Variants in PAPOLB observed in about 807,000 individuals in gnomAD.
PAPOLB encodes the protein PAP-beta.
PAPOLB carries 19 observed loss-of-function variants against 23.2 expected under a neutral mutation model. That is an observed-to-expected ratio of 0.82 (90% CI 0.57 to 1.20). PAPOLB has a LOEUF of 1.20. Among genes scored for constraint, PAPOLB ranks in the 50% most tolerant of loss-of-function variants. The pLI, the probability that PAPOLB is intolerant of heterozygous loss-of-function variation, is 0.00. For synonymous variants in PAPOLB, 360 were observed against 290.7 expected, an observed-to-expected ratio of 1.24 and a Z score of -2.43; for missense variants, 822 against 776.8, an observed-to-expected ratio of 1.06 and a Z score of -0.69.
chr7:4,860,205 C>G lies in PAPOLB; in HGVS notation c.1606G>C (p.Val536Leu). 1 of 1,614,046 alleles carries G rather than the reference C, an allele frequency of 6.2e-7. No homozygotes were observed. Among genetic ancestry groups the G allele is most frequent in the Non-Finnish European group, 8.5e-7 (1 of 1,179,886 alleles). Residue 536 changes from valine (V) to leucine (L), a missense_variant, in exon 1 of 1, where the codon GTG (valine) becomes CTG (leucine). Transcript: ENST00000404991. The part of the protein sequence containing the change: ...LSAGCENSMS[V>L]PSSTSTMKTG... ...TTCATAGTGCTAGTAGATGAAGGCA[C>G]AGACATGCTGTTTTCACAGCCTGCA... is the stretch of plus-strand genomic sequence containing the variant.
At position 4,859,908 on chromosome 7, in the gene PAPOLB, G is replaced by T. The variant is rs1041576287; in HGVS notation, c.1903C>A (p.Leu635Ile). 2.4e-5 allele frequency: 39 copies of T among 1,606,140 alleles called. No individual in the cohort carries two copies. In the East Asian group the frequency reaches 8.2e-4, roughly 34 times the overall value. ...CCTCTAGACTCCAACTATAGGATTA[G>T]ATATGTTTGTTGCTGAGTTTCCTGA... ...DLQETQQQTY[L>I]IL The change falls in exon 1 of 1, where the codon CTA becomes ATA. Residue 635 changes from leucine to isoleucine, a missense_variant. By Grantham distance (5) the Leu-to-Ile change is conservative. Coordinates refer to ENST00000404991, the MANE Select transcript of PAPOLB (RefSeq NM_020144.5).
Position 4,861,267 on chromosome 7 carries a change from C to G in PAPOLB, c.544G>C (p.Asp182His), listed in dbSNP as rs1562454645. 1 of 1,614,102 alleles carries G rather than the reference C, an allele frequency of 6.2e-7. No homozygotes were observed. The highest frequency in any genetic ancestry group is 1.7e-5 in the Admixed American group (1 of 60,020). Residue 182 changes from aspartate (D) to histidine (H), a missense_variant, in exon 1 of 1, where the codon GAT (aspartate) becomes CAT (histidine). Coordinates refer to ENST00000404991, the MANE Select transcript of PAPOLB (RefSeq NM_020144.5). ...ARLALQTIPE[D>H]LDLRDDSLLK... ...AGACTGTCATCTCTTAAGTCCAAAT[C>G]TTCTGGAATAGTCTGTAGTGCTAAT...
In PAPOLB at chr7:4,860,699, T is replaced by C; in HGVS notation, c.1112A>G (p.Lys371Arg). Residue 371 changes from lysine to arginine, a missense_variant, in exon 1 of 1, where the codon AAG (lysine) becomes AGG (arginine). By Grantham distance (26) the Lys-to-Arg change is conservative. Around this residue, in one of 3 missense-constraint regions of PAPOLB, gnomAD observed 534 missense variants for 502.8 expected, o/e 1.06. Transcript: ENST00000404991. ...CAGAAGTACAATATAATGCTTGTAC[T>C]TTTGAAAGAAGCTTGGAGCTTCAAA... ...KLFEAPSFFQ[K>R]YKHYIVLLAS... 1 of 1,614,206 alleles carries C rather than the reference T, an allele frequency of 6.2e-7. No homozygotes were observed. Among genetic ancestry groups the C allele is most frequent in the Non-Finnish European group, 8.5e-7 (1 of 1,180,030 alleles).
Position 4,861,459 on chromosome 7 carries a change from A to G in PAPOLB, c.352T>C (p.Leu118=), listed in dbSNP as rs753887169. Residue 118 remains leucine (L), a synonymous_variant, in exon 1 of 1, where the codon TTG becomes CTG. Transcript: ENST00000404991. ...VHTKGADIDA[L]CVAPSHVDRS... The stretch of plus-strand genomic sequence containing the variant: ...TCCACATGACTTGGTGCAACGCACA[A>G]GGCGTCAATATCTGCGCCTTTCGTA... The G allele has an allele frequency of 1.2e-6, 2 of 1,614,040 alleles. No homozygotes were observed. The highest frequency in any genetic ancestry group is 1.7e-6 in the Non-Finnish European group (2 of 1,179,982).
At position 4,861,676 on chromosome 7, in the gene PAPOLB, T is replaced by G. The variant is rs772418058; in HGVS notation, c.135A>C (p.Glu45Asp). 44 of 1,598,566 alleles carry G rather than the reference T, an allele frequency of 2.8e-5. No individual in the cohort carries two copies. Among genetic ancestry groups the G allele is most frequent in the South Asian group, 6.8e-5 (6 of 88,592 alleles). The change falls in exon 1 of 1, where the codon GAA becomes GAC. Residue 45 changes from glutamate (E) to aspartate (D), a missense_variant. Glu to Asp is a conservative substitution (Grantham distance 45). Around this residue, in one of 3 missense-constraint regions of PAPOLB, gnomAD observed 276 missense variants for 243.9 expected, o/e 1.13. Transcript: ENST00000404991. ...TDCLLTQRLI[E>D]TLRPFGVFEE... Reference sequence around the variant, plus strand: ...CGAAGACCCCGAAGGGCCTGAGGGTTTCTATTAGCCTCTGGGTGAGGAGGC... The same window carrying G: ...CGAAGACCCCGAAGGGCCTGAGGGTGTCTATTAGCCTCTGGGTGAGGAGGC...
At position 4,860,151 on chromosome 7, in the gene PAPOLB, C is replaced by T; in HGVS notation, c.1660G>A (p.Gly554Ser). The change falls in exon 1 of 1, where the codon GGT becomes AGT. Residue 554 changes from glycine (G) to serine (S), a missense_variant. Around this residue, in one of 3 missense-constraint regions of PAPOLB, gnomAD observed 534 missense variants for 502.8 expected, o/e 1.06. Transcript: ENST00000404991. ...KTGPLISSSQGRNSPALAVMT... is the reference protein window; with the variant it reads ...KTGPLISSSQSRNSPALAVMT... Reference sequence around the variant, plus strand: ...ACAGCCAAGGCAGGACTGTTTCTACCCTGAGAACTGCTAATCAATGGGCCT... The same window carrying T: ...ACAGCCAAGGCAGGACTGTTTCTACTCTGAGAACTGCTAATCAATGGGCCT... The T allele has an allele frequency of 2.5e-6, 4 of 1,613,952 alleles. No individual in the cohort carries two copies. Among genetic ancestry groups the T allele is most frequent in the Non-Finnish European group, 2.5e-6 (3 of 1,179,868 alleles).
In PAPOLB at chr7:4,860,207, G is replaced by A; in HGVS notation, c.1604C>T (p.Ser535Phe). 4 of 1,614,036 alleles carry A rather than the reference G, an allele frequency of 2.5e-6. No homozygotes were observed. The highest frequency in any genetic ancestry group is 3.4e-6 in the Non-Finnish European group (4 of 1,179,894). ...CATAGTGCTAGTAGATGAAGGCACA[G>A]ACATGCTGTTTTCACAGCCTGCAGA... ...DLSAGCENSM[S>F]VPSSTSTMKT... Residue 535 changes from serine to phenylalanine, a missense_variant, in exon 1 of 1, where the codon TCT (serine) becomes TTT (phenylalanine). This residue lies in a region of PAPOLB where 534 missense variants were observed against 502.8 expected (regional missense o/e 1.06). Transcript: ENST00000404991.
In PAPOLB at chr7:4,861,557, C is replaced by T. The variant is rs779685361; in HGVS notation, c.254G>A (p.Ser85Asn). The T allele has an allele frequency of 6.2e-7, 1 of 1,613,996 alleles. No homozygotes were observed. The highest frequency in any genetic ancestry group is 1.1e-5 in the South Asian group (1 of 91,064). The part of the protein sequence containing the change: ...EWIREISESK[S>N]LPQSVIENVG... ...GTTTTCAATTACAGACTGGGGAAGACTCTTGCTTTCACTGATTTCGCGTAT... is the reference window on the plus strand; with the variant it reads ...GTTTTCAATTACAGACTGGGGAAGATTCTTGCTTTCACTGATTTCGCGTAT... Residue 85 changes from serine (S) to asparagine (N), a missense_variant, in exon 1 of 1, where the codon AGT (serine) becomes AAT (asparagine). By Grantham distance (46) the Ser-to-Asn change is conservative (BLOSUM62 1). Transcript: ENST00000404991.
chr7:4,861,867 C>CGACCTTCA lies in PAPOLB; in HGVS notation c.-58_-57insTGAAGGTC. 8.1e-7 allele frequency: 1 copy of CGACCTTCA among 1,241,130 alleles called. No individual in the cohort carries two copies. Among genetic ancestry groups the CGACCTTCA allele is most frequent in the South Asian group, 1.9e-5 (1 of 53,258 alleles). The allele number at this position is 1,241,130 out of a possible 1,614,324, so 76.9% of individuals were successfully genotyped here. A position where few individuals can be genotyped will look rare whatever the true frequency, so the allele number is the denominator to read the frequency against. On this transcript the variant is annotated 5_prime_UTR_variant, in exon 1 of 1. The change creates a premature stop within an existing upstream ORF in the 5' untranslated region. Transcript: ENST00000404991. ...CCCACCACCGCGACCTTCGCGGCCG[C>CGACCTTCA]CGCCCGGGTCATGATCCGCTGAGGC...
At position 4,859,432 on chromosome 7, in the gene PAPOLB, A is replaced by T. The variant is rs1283494918; in HGVS notation, c.*465T>A. The T allele has an allele frequency of 6.3e-6, 1 of 157,788 alleles. No homozygotes were observed. The highest frequency in any genetic ancestry group is 1.4e-5 in the Non-Finnish European group (1 of 71,296). 9.8% of individuals were successfully genotyped at this position (157,788 alleles called of 1,614,324 possible). A position where few individuals can be genotyped will look rare whatever the true frequency, so the allele number is the denominator to read the frequency against. ...AAGGTTTTTTCATTTTAAGGGCAGT[A>T]GTCCTTTGAAATAGTTAATGTAACT... On this transcript the variant is annotated 3_prime_UTR_variant, in exon 1 of 1. Coordinates refer to ENST00000404991, the MANE Select transcript of PAPOLB (RefSeq NM_020144.5).
rs1784005972 is a variant in PAPOLB at position 4,861,716 on chromosome 7, G to A, written c.95C>T (p.Pro32Leu). The A allele has an allele frequency of 6.4e-7, 1 of 1,567,966 alleles. No homozygotes were observed. The highest frequency in any genetic ancestry group is 8.6e-7 in the Non-Finnish European group (1 of 1,159,858). The change falls in exon 1 of 1, where the codon CCC (proline) becomes CTC (leucine). Residue 32 changes from proline to leucine, a missense_variant. Physicochemically the swap from Pro to Leu is moderately conservative, Grantham distance 98. Coordinates refer to ENST00000404991, the MANE Select transcript of PAPOLB (RefSeq NM_020144.5). ...GVSSPISLAV[P>L]KETDCLLTQR... ...GGTGAGGAGGCAGTCCGTCTCCTTGGGGACCGCTAGACTGATAGGCGAGGA... is the reference window on the plus strand; with the variant it reads ...GGTGAGGAGGCAGTCCGTCTCCTTGAGGACCGCTAGACTGATAGGCGAGGA...
At position 4,857,742 on chromosome 7, in the gene PAPOLB, T is replaced by G. The variant is rs545943331; in HGVS notation, c.*2155A>C. The G allele has an allele frequency of 6.5e-6, 1 of 152,744 alleles. No homozygotes were observed. Among genetic ancestry groups the G allele is most frequent in the Admixed American group, 6.5e-5 (1 of 15,286 alleles). The allele number at this position is 152,744 out of a possible 1,614,324, so 9.5% of individuals were successfully genotyped here. ...AGTATTTTAGTTTCACTTTGCTTGTTTGCCATTTATTTTTATTGCATTTTT... is the reference window on the plus strand; with the variant it reads ...AGTATTTTAGTTTCACTTTGCTTGTGTGCCATTTATTTTTATTGCATTTTT... On this transcript the variant is annotated 3_prime_UTR_variant, in exon 1 of 1. Transcript: ENST00000404991.
chr7:4,859,531 T>C lies in PAPOLB; in HGVS notation c.*366A>G. Reference sequence around the variant, plus strand: ...GGACTTCTGATCAAGACTGGCTCAGTAAAGGAAGTTACCAAATGAGCCTCA... The same window carrying C: ...GGACTTCTGATCAAGACTGGCTCAGCAAAGGAAGTTACCAAATGAGCCTCA... On this transcript the variant is annotated 3_prime_UTR_variant, in exon 1 of 1. Coordinates refer to ENST00000404991, the MANE Select transcript of PAPOLB (RefSeq NM_020144.5). 1 of 208,002 alleles carries C rather than the reference T, an allele frequency of 4.8e-6. No individual in the cohort carries two copies. Among genetic ancestry groups the C allele is most frequent in the Non-Finnish European group, 9.7e-6 (1 of 102,580 alleles). The allele number at this position is 208,002 out of a possible 1,614,324, so 12.9% of individuals were successfully genotyped here.
chr7:4,860,215 G>C lies in PAPOLB; in HGVS notation c.1596C>G (p.Asn532Lys), dbSNP rs769617507. The change falls in exon 1 of 1, where the codon AAC becomes AAG. Residue 532 changes from asparagine to lysine, a missense_variant. By Grantham distance (94) the Asn-to-Lys change is moderately conservative. Around this residue, in one of 3 missense-constraint regions of PAPOLB, gnomAD observed 534 missense variants for 502.8 expected, o/e 1.06. Transcript: ENST00000404991. ...SSFDLSAGCE[N>K]SMSVPSSTST... ...TAGTAGATGAAGGCACAGACATGCT[G>C]TTTTCACAGCCTGCAGACAAGTCAA... 5 of 1,614,024 alleles carry C rather than the reference G, an allele frequency of 3.1e-6. No homozygotes were observed. The highest frequency in any genetic ancestry group is 8.5e-7 in the Non-Finnish European group (1 of 1,179,894).
rs1783936613 is a variant in PAPOLB at position 4,859,983 on chromosome 7, T to C, written c.1828A>G (p.Met610Val). 6.2e-7 allele frequency: 1 copy of C among 1,614,044 alleles called. No homozygotes were observed. Among genetic ancestry groups the C allele is most frequent in the Non-Finnish European group, 8.5e-7 (1 of 1,179,890 alleles). ...QPAISPSPKA[M>V]VARVVSSTCL... ...GTTGAAGAAACAACTCTGGCGACCA[T>C]GGCCTTTGGTGATGGAGAAATGGCA... is the stretch of plus-strand genomic sequence containing the variant. Residue 610 changes from methionine to valine, a missense_variant, in exon 1 of 1, where the codon ATG becomes GTG. By Grantham distance (21) the Met-to-Val change is conservative (BLOSUM62 1). Transcript: ENST00000404991.
Position 4,860,471 on chromosome 7 carries a change from G to A in PAPOLB, c.1340C>T (p.Pro447Leu), listed in dbSNP as rs1221733695. The A allele has an allele frequency of 6.2e-7, 1 of 1,614,088 alleles. No homozygotes were observed. The highest frequency in any genetic ancestry group is 8.5e-7 in the Non-Finnish European group (1 of 1,179,948). The stretch of plus-strand genomic sequence containing the variant: ...AATGCTGAGAATTTCAGAATTATCT[G>A]GCTTTTTTAGCCCTAACCCAATCAC... ...MWVIGLGLKK[P>L]DNSEILSIDL... Residue 447 changes from proline to leucine, a missense_variant, in exon 1 of 1, where the codon CCA becomes CTA. Coordinates refer to ENST00000404991, the MANE Select transcript of PAPOLB (RefSeq NM_020144.5).
At position 4,860,927 on chromosome 7, in the gene PAPOLB, T is replaced by C; in HGVS notation, c.884A>G (p.Asn295Ser). Residue 295 changes from asparagine (N) to serine (S), a missense_variant, in exon 1 of 1, where the codon AAT (asparagine) becomes AGT (serine). Physicochemically the swap from Asn to Ser is conservative, Grantham distance 46. Coordinates refer to ENST00000404991, the MANE Select transcript of PAPOLB (RefSeq NM_020144.5). ...PVLLKEPEER[N>S]LNLPVWDPRV... ...TGGGTCCCATACAGGCAAATTAAGA[T>C]TCCGTTCTTCAGGCTCCTTCAGTAA... The C allele has an allele frequency of 1.2e-6, 2 of 1,614,206 alleles. No individual in the cohort carries two copies. The highest frequency in any genetic ancestry group is 1.7e-6 in the Non-Finnish European group (2 of 1,180,032).
Position 4,860,296 on chromosome 7 carries a change from G to C in PAPOLB, c.1515C>G (p.Asp505Glu). Residue 505 changes from aspartate (D) to glutamate (E), a missense_variant, in exon 1 of 1, where the codon GAC becomes GAG. Transcript: ENST00000404991. ...TACCTTCTGTTGAGTGTGCTTTCTTGTCCTGAAGCACATGATGAGGCAGCA... is the reference window on the plus strand; with the variant it reads ...TACCTTCTGTTGAGTGTGCTTTCTTCTCCTGAAGCACATGATGAGGCAGCA... ...HQLLPHHVLQ[D>E]KKAHSTEGRR... 1 of 1,613,848 alleles carries C rather than the reference G, an allele frequency of 6.2e-7. No individual in the cohort carries two copies. Among genetic ancestry groups the C allele is most frequent in the South Asian group, 1.1e-5 (1 of 91,090 alleles).
Position 4,861,952 on chromosome 7 carries a change from C to A in PAPOLB, c.-142G>T. Reference sequence around the variant, plus strand: ...CCCACTCCCACTCCCGCTGCGCGCCCGCCGCTTCAGGAGCTTCTCCTCCTT... The same window carrying A: ...CCCACTCCCACTCCCGCTGCGCGCCAGCCGCTTCAGGAGCTTCTCCTCCTT... On this transcript the variant is annotated 5_prime_UTR_variant, in exon 1 of 1. Transcript: ENST00000404991. 4.1e-6 allele frequency: 2 copies of A among 490,268 alleles called. No homozygotes were observed. Among genetic ancestry groups the A allele is most frequent in the South Asian group, 7.0e-5 (1 of 14,272 alleles). 30.4% of individuals were successfully genotyped at this position (490,268 alleles called of 1,614,324 possible). A position where few individuals can be genotyped will look rare whatever the true frequency, so the allele number is the denominator to read the frequency against.
Sources: allele counts gnomAD v4.1 joint callset, GRCh38; gene constraint gnomAD v4.1.1; regional missense constraint gnomAD v4.1.1; transcripts MANE v1.5; gene names NCBI Gene and HGNC (gene_info 2026-07-23, HGNC 2026-07-21).